Variants in SH3BGR observed in about 807,000 individuals in gnomAD.
SH3BGR encodes the protein SH3 domain-binding glutamic acid-rich protein.
SH3BGR carries 29 observed loss-of-function variants against 24.5 expected under a neutral mutation model. That is an observed-to-expected ratio of 1.18 (90% CI 0.88 to 1.61). The LOEUF is 1.61. Ranked by LOEUF, SH3BGR falls within the 40% of genes most tolerant of loss-of-function variation. The probability of loss-of-function intolerance (pLI) is 0.00; values close to 1 mark genes in which losing one functional copy is unlikely to be tolerated. For missense variants in SH3BGR, 162 were observed against 205.8 expected (o/e 0.79, Z 1.30); for synonymous variants, 55 against 65.7 (o/e 0.84, Z 0.79).
At chr21:39,446,949 A>C (rs766618991) in intron 1 of SH3BGR, 12 of 151,910 alleles carry the variant, frequency 7.9e-5, no homozygotes, top group Non-Finnish European at 1.5e-4. Context: ...TTTCAAATTG[A>C]CTTTAATCCT....
chr21:39,505,879 G>A lies in SH3BGR; in HGVS notation c.406-3119G>A, dbSNP rs1475593. Among the ~76,000 whole-genome samples, 3 of 152,124 alleles carry A rather than the reference G, an allele frequency of 2.0e-5. No homozygotes were observed. In the South Asian group the frequency reaches 6.2e-4, roughly 32 times the overall value. ...CCCCAGGCTAGCTCTACGGTTGACA[G>A]TATCTGGTTAATTCATTTGTTTCAA... On this transcript the variant is annotated intron_variant, in intron 4 of 6. Coordinates refer to ENST00000333634, the MANE Select transcript of SH3BGR (RefSeq NM_007341.3).
intron 3 of SH3BGR, among the ~76,000 whole-genome samples, chr21:39,493,156 A>C (rs1322780437): frequency 2.6e-5 from 4 of 151,880 alleles, no homozygotes; most frequent in African/African-American, 4.8e-5. Context: ...TTTTTATTGC[A>C]TTTGCTTTTG....
chr21:39,452,475 G>C (rs372110526), intron 1 of SH3BGR, among the ~76,000 whole-genome samples: 2 of 152,136 alleles, frequency 1.3e-5, no homozygotes, highest in East Asian at 1.9e-4. Context: ...ATTCTGCAAG[G>C]CTTAAACTAA....
chr21:39,456,443 C>T (rs534398645), intron 1 of SH3BGR, among the ~76,000 whole-genome samples: 14 of 152,132 alleles, frequency 9.2e-5, no homozygotes, highest in Non-Finnish European at 1.3e-4. Context: ...GTAGAGAATG[C>T]GATTAATTAA....
At chr21:39,463,730 T>C (rs926185109) in intron 2 of SH3BGR, among the ~76,000 whole-genome samples, 1 of 152,238 alleles carries the variant, frequency 6.6e-6, no homozygotes, top group Admixed American at 6.5e-5. Context: ...TTTGAATAGA[T>C]GCAGCAGAGG....
intron 3 of SH3BGR, among the ~76,000 whole-genome samples, chr21:39,479,288 G>A (rs2078087448): frequency 6.6e-6 from 1 of 151,278 alleles, no homozygotes; most frequent in South Asian, 2.1e-4. Context: ...TAGTGATGGT[G>A]GTAGTGGTAA....
At chr21:39,464,451 G>C (rs1202324605) in intron 2 of SH3BGR, among the ~76,000 whole-genome samples, 1 of 152,174 alleles carries the variant, frequency 6.6e-6, no homozygotes, top group Non-Finnish European at 1.5e-5. Context: ...TCGAACTCCT[G>C]ACCTCAGGTG....
intron 4 of SH3BGR, among the ~76,000 whole-genome samples, chr21:39,507,436 C>T (rs1486102694): frequency 2.6e-5 from 4 of 151,924 alleles, no homozygotes; most frequent in East Asian, 1.9e-4. Flanking sequence ...TGGGTTCAAG[C>T]GATTCTCCTG....
rs1188115600 is a variant in SH3BGR at position 39,460,408 on chromosome 21, G to A, written c.46-1967G>A. 2.0e-5 allele frequency among the ~76,000 whole-genome samples: 3 copies of A among 151,828 alleles called. No individual in the cohort carries two copies. In the East Asian group the frequency reaches 5.8e-4, roughly 29 times the overall value. On this transcript the variant is annotated intron_variant, in intron 1 of 6. Transcript: ENST00000333634. ...CTGAATGAAATGCATTTTAGTGTGG[G>A]TATACTTGATATTTGAATTTCATAG...
At position 39,452,153 on chromosome 21, in the gene SH3BGR, G is replaced by C. The variant is rs747303985; in HGVS notation, c.45+12G>C. 2.5e-6 allele frequency: 4 copies of C among 1,614,018 alleles called. No homozygotes were observed. The highest frequency in any genetic ancestry group is 1.7e-5 in the Admixed American group (1 of 59,980). On this transcript the variant is annotated intron_variant, in intron 1 of 6. Coordinates refer to ENST00000333634, the MANE Select transcript of SH3BGR (RefSeq NM_007341.3). ...CTGGGTCCATAGCGGTAGGTGTCTGGTGGACTCTTTCTTCCTATACTCTTT... is the reference window on the plus strand; with the variant it reads ...CTGGGTCCATAGCGGTAGGTGTCTGCTGGACTCTTTCTTCCTATACTCTTT...
intron 1 of SH3BGR, 108 bp downstream of exon 1, chr21:39,452,249 T>C: frequency 7.8e-7 from 1 of 1,289,128 alleles, no homozygotes; most frequent in East Asian, 2.3e-5. Context: ...TAGTCAGCTG[T>C]GGCTCTGCAA....
rs780241013 is a variant in SH3BGR, at chr21:39,500,697, C to CT, written c.405+783dup. On this transcript the variant is annotated intron_variant, in intron 4 of 6. Coordinates refer to ENST00000333634, the MANE Select transcript of SH3BGR (RefSeq NM_007341.3). ...TCCACTGGGTCAGTTGTAGCAAAGA[C>CT]TATTTTTCAAACCCTGATGGTTTGC... Among the ~76,000 whole-genome samples, 222 of 152,244 alleles carry CT rather than the reference C, an allele frequency of 1.5e-3. 1 individual carries two copies. Among genetic ancestry groups the CT allele is most frequent in the Non-Finnish European group, 2.6e-3 (178 of 68,010 alleles).
chr21:39,506,663 A>T (rs955862613), intron 4 of SH3BGR, among the ~76,000 whole-genome samples: 1 of 152,186 alleles, frequency 6.6e-6, no homozygotes, highest in African/African-American at 2.4e-5. Context: ...CCACAAGAAC[A>T]GTATGGGGGA....
chr21:39,510,164 G>A (rs11701208), intron 5 of SH3BGR, among the ~76,000 whole-genome samples: 64,172 of 131,850 alleles, frequency 0.49, 18,557 homozygotes, highest in East Asian at 0.67. Flanking sequence ...AGATGGTCTC[G>A]ATCTCCTGAC....
At chr21:39,446,924 GA>G (rs1320866523) in intron 1 of SH3BGR, 1 of 152,146 alleles carries the variant, frequency 6.6e-6, no homozygotes, top group Non-Finnish European at 1.5e-5. Flanking sequence ...TATAAAAGGA[GA>G]AACGGGTGTT....
intron 3 of SH3BGR, among the ~76,000 whole-genome samples, chr21:39,488,999 G>A (rs1329189533): frequency 6.6e-6 from 1 of 152,178 alleles, no homozygotes; most frequent in Non-Finnish European, 1.5e-5. Flanking sequence ...ACTACAAGAT[G>A]AGCAACAGAG....
At chr21:39,454,403 A>G (rs1242821992) in intron 1 of SH3BGR, among the ~76,000 whole-genome samples, 1 of 152,270 alleles carries the variant, frequency 6.6e-6, no homozygotes, top group Non-Finnish European at 1.5e-5. Flanking sequence ...AATTAAATAC[A>G]TGCAGCTGTG....
At chr21:39,499,716 A>G (rs780974860) in intron 3 of SH3BGR, 107 bp from the exon 4 acceptor site, 1 of 746,678 alleles carries the variant, frequency 1.3e-6, no homozygotes, top group Middle Eastern at 3.7e-4. Context: ...TGTTTGCTTC[A>G]TTTATATACT....
chr21:39,490,965 G>A (rs1030835704), intron 3 of SH3BGR, among the ~76,000 whole-genome samples: 1 of 151,972 alleles, frequency 6.6e-6, no homozygotes, highest in East Asian at 1.9e-4. Context: ...CTCCTAGGCT[G>A]TAGTGATCCT....
Sources: gnomAD v4.1 joint callset for allele counts (sites outside exome capture counted in the v4.1 genomes callset) on GRCh38, gnomAD v4.1.1 for gene constraint, MANE v1.5 for transcripts, NCBI Gene and HGNC (gene_info 2026-07-23, HGNC 2026-07-21) for gene names.